ZGPAT: variants seen among roughly 807,000 people sequenced by gnomAD.
The protein encoded by ZGPAT is zinc finger CCCH-type and G-patch domain containing, also known as zinc finger CCCH-type with G patch domain-containing protein.
ZGPAT carries 39 observed loss-of-function variants against 47.9 expected under a neutral mutation model. The ratio of observed to expected loss-of-function variants is 0.81; its 90% CI spans 0.63 to 1.06. The LOEUF (loss-of-function observed/expected upper bound fraction) is 1.06, where lower values mean the gene tolerates loss of function less well. Ranked by LOEUF, ZGPAT falls within the 50% of genes least tolerant of loss-of-function variation. ZGPAT has a pLI of 0.00. For missense variants in ZGPAT, 717 were observed against 681.4 expected (o/e 1.05, Z -0.58); for synonymous variants, 348 against 292.9 (o/e 1.19, Z -1.92).
intron 2 of ZGPAT, among the ~76,000 whole-genome samples, chr20:63,727,611 A>C (rs1479740420): frequency 6.9e-6 from 1 of 145,482 alleles, no homozygotes; most frequent in Non-Finnish European, 1.5e-5. Flanking sequence ...GTGGAGGTGC[A>C]TTGAGCTGAG....
chr20:63,732,211 G>T (rs1471959905), intron 2 of ZGPAT, among the ~76,000 whole-genome samples: 3 of 145,236 alleles, frequency 2.1e-5, no homozygotes, highest in African/African-American at 7.4e-5. Flanking sequence ...GTGCATCTGT[G>T]TGTGCATGTT....
chr20:63,725,012 C>G (rs1279493473), intron 2 of ZGPAT, among the ~76,000 whole-genome samples: 3 of 133,322 alleles, frequency 2.3e-5, no homozygotes, highest in African/African-American at 8.3e-5. Flanking sequence ...GAGATGGGGT[C>G]TCGCTCTTGT....
chr20:63,708,742 G>C lies in ZGPAT; in HGVS notation c.162G>C (p.Leu54=). ...TCATCGAGCTCACCGAGGCCAGCCT[G>C]GTGTCTGTCAGGAAGAGCAGCTTGT... is the stretch of plus-strand genomic sequence containing the variant. ...KELIELTEAS[L]VSVRKSSLLA... is the part of the protein sequence containing the mutation. Residue 54 remains leucine (L), a synonymous_variant, in exon 2 of 7, where the codon CTG becomes CTC. Transcript: ENST00000355969. The C allele has an allele frequency of 2.5e-6, 4 of 1,612,592 alleles. No homozygotes were observed. The highest frequency in any genetic ancestry group is 3.4e-6 in the Non-Finnish European group (4 of 1,179,702).
rs980858868 is a variant in ZGPAT at position 63,708,715 on chromosome 20, G to A, written c.135G>A (p.Glu45=). 3.7e-6 allele frequency: 6 copies of A among 1,612,810 alleles called. No homozygotes were observed. Among genetic ancestry groups the A allele is most frequent in the Non-Finnish European group, 5.1e-6 (6 of 1,179,914 alleles). The change falls in exon 2 of 7, where the codon GAG becomes GAA. Residue 45 remains glutamate (E), a synonymous_variant. Transcript: ENST00000355969. Reference sequence around the variant, plus strand: ...GCCAGCTGCAGGGGGACCTGAAGGAGCTCATCGAGCTCACCGAGGCCAGCC... The same window carrying A: ...GCCAGCTGCAGGGGGACCTGAAGGAACTCATCGAGCTCACCGAGGCCAGCC... The part of the protein sequence containing the change: ...DLRQLQGDLK[E]LIELTEASLV...
chr20:63,735,266 G>A lies in ZGPAT; in HGVS notation c.1099G>A (p.Val367Ile). ...CVETLQKQTRVGKAGTNKPPR... is the reference protein window; with the variant it reads ...CVETLQKQTRIGKAGTNKPPR... ...GGAGACCCTGCAGAAGCAGACCAGGGTTGGCAAGGCTGGCACCAACAAGCC... is the reference window on the plus strand; with the variant it reads ...GGAGACCCTGCAGAAGCAGACCAGGATTGGCAAGGCTGGCACCAACAAGCC... The change falls in exon 6 of 7, where the codon GTT becomes ATT. Residue 367 changes from valine to isoleucine, a missense_variant. Transcript: ENST00000355969. 6.2e-7 allele frequency: 1 copy of A among 1,607,300 alleles called. No homozygotes were observed. The highest frequency in any genetic ancestry group is 1.7e-5 in the Admixed American group (1 of 58,968).
At chr20:63,728,094 T>C (rs1173794192) in intron 2 of ZGPAT, among the ~76,000 whole-genome samples, 6 of 150,292 alleles carry the variant, frequency 4.0e-5, no homozygotes, top group Non-Finnish European at 7.4e-5. Flanking sequence ...GGAGTGCCAG[T>C]GGTGCCATCT....
chr20:63,709,243 C>T (rs2091624445), intron 2 of ZGPAT, 79 bp downstream of exon 2: 3 of 1,521,346 alleles, frequency 2.0e-6, no homozygotes, highest in East Asian at 2.2e-5. Flanking sequence ...ATCGGCCCTC[C>T]CTTTGCTTTG....
intron 2 of ZGPAT, among the ~76,000 whole-genome samples, chr20:63,714,909 G>A (rs1333489984): frequency 6.6e-6 from 1 of 152,078 alleles, no homozygotes; most frequent in Non-Finnish European, 1.5e-5. Context: ...CCAAAGTGCT[G>A]AGATTACAGG....
In ZGPAT at chr20:63,736,087, C is replaced by T; in HGVS notation, c.*168C>T. On this transcript the variant is annotated 3_prime_UTR_variant, in exon 7 of 7. Transcript: ENST00000355969. ...TCTGGACACTTACTTGCCCACCTGC[C>T]AGTGTCTTGGGCATTTCCTTGGCAA... is the stretch of plus-strand genomic sequence containing the variant. The T allele has an allele frequency of 1.1e-6, 1 of 939,022 alleles. No homozygotes were observed. The highest frequency in any genetic ancestry group is 1.7e-5 in the South Asian group (1 of 57,306). The allele number at this position is 939,022 out of a possible 1,614,324, so 58.2% of individuals were successfully genotyped here. A position where few individuals can be genotyped will look rare whatever the true frequency, so the allele number is the denominator to read the frequency against.
intron 3 of ZGPAT, 75 bp downstream of exon 3, chr20:63,733,427 C>A: frequency 6.3e-7 from 1 of 1,598,402 alleles, no homozygotes; most frequent in Non-Finnish European, 8.5e-7. Flanking sequence ...TGGCTGCTCC[C>A]TGCTTCCTTT....
chr20:63,735,059 C>G, intron 5 of ZGPAT, 100 bp from the exon 6 acceptor site: 2 of 1,423,568 alleles, frequency 1.4e-6, no homozygotes, highest in Non-Finnish European at 1.8e-6. Context: ...CCGTGCTCCT[C>G]AGATTCCCGG....
In ZGPAT at chr20:63,733,252, G is replaced by A; in HGVS notation, c.618G>A (p.Glu206=). 1 of 1,613,858 alleles carries A rather than the reference G, an allele frequency of 6.2e-7. No individual in the cohort carries two copies. The highest frequency in any genetic ancestry group is 8.5e-7 in the Non-Finnish European group (1 of 1,179,938). Residue 206 remains glutamate (E), a synonymous_variant, in exon 3 of 7, where the codon GAG becomes GAA. Transcript: ENST00000355969. ...FSHGQVVSLD[E]LRPFQDPDLS... The stretch of plus-strand genomic sequence containing the variant: ...ATGGGCAGGTGGTCTCTCTGGATGA[G>A]CTGCGCCCCTTCCAGGACCCAGACC...
chr20:63,735,051 G>A (rs1004278575), intron 5 of ZGPAT, 108 bp from the exon 6 acceptor site: 27 of 1,408,442 alleles, frequency 1.9e-5, no homozygotes, highest in Middle Eastern at 2.6e-4. Flanking sequence ...TGCCATCTCC[G>A]TGCTCCTCAG....
At chr20:63,733,903 C>G (rs994683832) in intron 4 of ZGPAT, 164 bp downstream of exon 4, 1 of 863,584 alleles carries the variant, frequency 1.2e-6, no homozygotes, top group Non-Finnish European at 1.7e-6. Flanking sequence ...GGGGTAGATC[C>G]GTGGCGGCCT....
At position 63,709,183 on chromosome 20, in the gene ZGPAT, A is replaced by G. The variant is rs41309373; in HGVS notation, c.584+19A>G. 9 of 1,604,856 alleles carry G rather than the reference A, an allele frequency of 5.6e-6. No homozygotes were observed. Among genetic ancestry groups the G allele is most frequent in the Non-Finnish European group, 7.6e-6 (9 of 1,179,894 alleles). On this transcript the variant is annotated intron_variant, in intron 2 of 6. Coordinates refer to ENST00000355969, the MANE Select transcript of ZGPAT (RefSeq NM_181485.3). ...ACTGCAGGTAAAGCCCTTTGTTGTC[A>G]GATGCCAACCTTAGGGGCGTAAGGG...
chr20:63,708,861 C>T lies in ZGPAT; in HGVS notation c.281C>T (p.Ala94Val). The T allele has an allele frequency of 1.2e-6, 2 of 1,607,838 alleles. No individual in the cohort carries two copies. Among genetic ancestry groups the T allele is most frequent in the Non-Finnish European group, 1.7e-6 (2 of 1,176,980 alleles). Residue 94 changes from alanine to valine, a missense_variant, in exon 2 of 7, where the codon GCA becomes GTA. Ala to Val is a moderately conservative substitution (Grantham distance 64). Transcript: ENST00000355969. ...ATCACTGAGGCGGTGGAGGCACCAG[C>T]AGCGGCCCGTGGGTCCGGATCAGAG... ...EAITEAVEAPAAARGSGSETV... is the reference protein window; with the variant it reads ...EAITEAVEAPVAARGSGSETV...
intron 2 of ZGPAT, among the ~76,000 whole-genome samples, chr20:63,727,240 CTTT>C (rs869102691): frequency 2.1e-5 from 2 of 93,046 alleles, no homozygotes; most frequent in Non-Finnish European, 2.6e-5. Context: ...TTTTTTTTTT[CTTT>C]TTTTCTTTTT....
At chr20:63,733,836 GGA>G in intron 4 of ZGPAT, 97 bp downstream of exon 4, 1 of 1,499,292 alleles carries the variant, frequency 6.7e-7, no homozygotes, top group Non-Finnish European at 8.9e-7. Flanking sequence ...CCAAACTATT[GGA>G]GAGTGTGTGA....
Position 63,734,659 on chromosome 20 carries a change from G to A in ZGPAT, c.872-46G>A, listed in dbSNP as rs1176701629. 3 of 1,604,972 alleles carry A rather than the reference G, an allele frequency of 1.9e-6. No individual in the cohort carries two copies. Among genetic ancestry groups the A allele is most frequent in the African/African-American group, 1.3e-5 (1 of 74,648 alleles). On this transcript the variant is annotated intron_variant, in intron 4 of 6. Transcript: ENST00000355969. ...ATCTCTTGCAGTGGTGGGGTCGGAC[G>A]CCGTGGACTCTGCACAGTCCTCTGC...
Sources: allele counts gnomAD v4.1 joint callset (sites outside exome capture counted in the v4.1 genomes callset), GRCh38; gene constraint gnomAD v4.1.1; transcripts MANE v1.5; gene names NCBI Gene and HGNC (gene_info 2026-07-23, HGNC 2026-07-21).